Variants in RAB28 observed in about 807,000 individuals in gnomAD.
RAB28 encodes the protein RAB28, member RAS oncogene family.
In RAB28, 24 loss-of-function variants were observed where a neutral mutation model predicts 31.7. That is an observed-to-expected ratio of 0.76 (90% confidence interval 0.55 to 1.06). The LOEUF (loss-of-function observed/expected upper bound fraction) is 1.06, where lower values mean the gene tolerates loss of function less well. Ranked by LOEUF, RAB28 falls within the 50% of genes least tolerant of loss-of-function variation. The pLI, the probability that RAB28 is intolerant of heterozygous loss-of-function variation, is 0.00. For missense variants in RAB28, 254 were observed against 258.5 expected (o/e 0.98, Z 0.12); for synonymous variants, 100 against 90.4 (o/e 1.11, Z -0.60).
chr4:13,368,224 G>A lies in RAB28; in HGVS notation c.*334C>T, dbSNP rs927714102. 2.0e-6 allele frequency: 2 copies of A among 1,000,228 alleles called. No homozygotes were observed. Among genetic ancestry groups the A allele is most frequent in the East Asian group, 1.0e-4 (1 of 9,862 alleles). The allele number at this position is 1,000,228 out of a possible 1,614,324, so 62.0% of individuals were successfully genotyped here. ...AATCCTGGCTGATGATCAAGACTTGGAGAGTTTTCATATTAAGTTAAAAAA... is the reference window on the plus strand; with the variant it reads ...AATCCTGGCTGATGATCAAGACTTGAAGAGTTTTCATATTAAGTTAAAAAA... On this transcript the variant is annotated 3_prime_UTR_variant, in exon 7 of 7. Transcript: ENST00000330852.
chr4:13,379,900 C>G (rs1412063667), intron 5 of RAB28, among the ~76,000 whole-genome samples: 1 of 151,990 alleles, frequency 6.6e-6, no homozygotes, highest in African/African-American at 2.4e-5. Context: ...TTCATAAGAA[C>G]AAACCATTTC....
chr4:13,445,682 G>C (rs1420653879), intron 4 of RAB28, among the ~76,000 whole-genome samples: 1 of 151,570 alleles, frequency 6.6e-6, no homozygotes, highest in East Asian at 1.9e-4. Flanking sequence ...ATCACCAGTG[G>C]AGGCTGAAGA....
At chr4:13,475,690 C>T (rs551366608) in intron 2 of RAB28, among the ~76,000 whole-genome samples, 2 of 151,576 alleles carry the variant, frequency 1.3e-5, no homozygotes, top group African/African-American at 4.8e-5. Context: ...TTATCACCAT[C>T]ATTACCACAG....
intron 2 of RAB28, among the ~76,000 whole-genome samples, chr4:13,477,273 A>C (rs76693693): frequency 1.7e-3 from 261 of 151,712 alleles, no homozygotes; most frequent in African/African-American, 5.9e-3. Flanking sequence ...GTATTTGCAA[A>C]GTAATGATCT....
intron 4 of RAB28, among the ~76,000 whole-genome samples, chr4:13,427,589 A>G (rs1264798332): frequency 6.6e-6 from 1 of 152,216 alleles, no homozygotes; most frequent in Admixed American, 6.5e-5. Context: ...TGAGAGATCT[A>G]CAGAGATAAA....
intron 4 of RAB28, among the ~76,000 whole-genome samples, chr4:13,397,972 C>G (rs1236240385): frequency 2.0e-5 from 3 of 152,102 alleles, no homozygotes; most frequent in South Asian, 4.2e-4. Context: ...CAAAACACCA[C>G]CAAGAGCAGC....
At chr4:13,435,640 T>G (rs978282670) in intron 4 of RAB28, among the ~76,000 whole-genome samples, 7 of 152,222 alleles carry the variant, frequency 4.6e-5, no homozygotes, top group Admixed American at 2.6e-4. Context: ...TTGGATAAAT[T>G]CCTGGAAACA....
At chr4:13,469,421 C>T (rs1475635445) in intron 3 of RAB28, among the ~76,000 whole-genome samples, 1 of 151,990 alleles carries the variant, frequency 6.6e-6, no homozygotes, top group Non-Finnish European at 1.5e-5. Flanking sequence ...CTTCCCAAAT[C>T]TTTTACATGA....
chr4:13,398,176 T>G (rs1212325280), intron 4 of RAB28, among the ~76,000 whole-genome samples: 7 of 152,206 alleles, frequency 4.6e-5, no homozygotes, highest in African/African-American at 1.7e-4. Flanking sequence ...TTTGTGGCTA[T>G]CTACAACTTT....
At chr4:13,414,660 A>T (rs1036724197) in intron 4 of RAB28, among the ~76,000 whole-genome samples, 41 of 152,250 alleles carry the variant, frequency 2.7e-4, no homozygotes, top group African/African-American at 9.4e-4. Flanking sequence ...CAAACTTCAG[A>T]CCAATCTCAT....
intron 4 of RAB28, among the ~76,000 whole-genome samples, chr4:13,456,388 TA>T (rs1464179823): frequency 6.6e-6 from 1 of 152,250 alleles, no homozygotes; most frequent in African/African-American, 2.4e-5. Context: ...CCATTATGGT[TA>T]ATAAACTAAT....
At chr4:13,429,122 T>C (rs1356796258) in intron 4 of RAB28, among the ~76,000 whole-genome samples, 1 of 151,980 alleles carries the variant, frequency 6.6e-6, no homozygotes, top group Non-Finnish European at 1.5e-5. Context: ...TTTTTTTTAT[T>C]TTTAGCAAAG....
intron 5 of RAB28, among the ~76,000 whole-genome samples, chr4:13,379,046 A>T (rs1729028609): frequency 6.6e-6 from 1 of 151,372 alleles, no homozygotes; most frequent in South Asian, 2.1e-4. Context: ...TCTCTACTAA[A>T]AATACAAAAA....
At chr4:13,447,465 TAA>T (rs978188553) in intron 4 of RAB28, among the ~76,000 whole-genome samples, 2 of 151,758 alleles carry the variant, frequency 1.3e-5, no homozygotes, top group Non-Finnish European at 2.9e-5. Flanking sequence ...ATTTCTGTTA[TAA>T]AAAAAAGAGA....
chr4:13,419,976 T>C (rs1424351898), intron 4 of RAB28, among the ~76,000 whole-genome samples: 1 of 151,812 alleles, frequency 6.6e-6, no homozygotes, highest in Non-Finnish European at 1.5e-5. Flanking sequence ...GAGCTGGTTT[T>C]TTCAAAAGAT....
intron 4 of RAB28, among the ~76,000 whole-genome samples, chr4:13,402,068 T>G (rs540292595): frequency 6.6e-6 from 1 of 152,256 alleles, no homozygotes; most frequent in Non-Finnish European, 1.5e-5. Context: ...AATATGTTTT[T>G]CTGTTACTGA....
intron 3 of RAB28, among the ~76,000 whole-genome samples, chr4:13,468,883 T>C (rs1250076778): frequency 1.3e-5 from 2 of 151,766 alleles, no homozygotes; most frequent in African/African-American, 4.8e-5. Context: ...CAGTAATTAA[T>C]ATGGGTTTTC....
chr4:13,433,111 G>T (rs1459519639), intron 4 of RAB28, among the ~76,000 whole-genome samples: 1 of 150,428 alleles, frequency 6.6e-6, no homozygotes, highest in Non-Finnish European at 1.5e-5. Flanking sequence ...GTAAAGGTAT[G>T]GAGAAAGATC....
At position 13,371,973 on chromosome 4, in the gene RAB28, A is replaced by G. The variant is rs1728731594; in HGVS notation, c.574-3323T>C. Reference sequence around the variant, plus strand: ...AATGGAAGTGGCAGCCATGGAGGGCATAAGCAAGAAAGCAACCTATGGGTT... The same window carrying G: ...AATGGAAGTGGCAGCCATGGAGGGCGTAAGCAAGAAAGCAACCTATGGGTT... On this transcript the variant is annotated intron_variant, in intron 6 of 6. Coordinates refer to ENST00000330852, the MANE Select transcript of RAB28 (RefSeq NM_001017979.3). The G allele has an allele frequency of 1.3e-5, 15 of 1,120,132 alleles. 1 individual carries two copies. In the South Asian group the frequency reaches 1.9e-4, roughly 14 times the overall value. 69.4% of individuals were successfully genotyped at this position (1,120,132 alleles called of 1,614,324 possible).
Sources: gnomAD v4.1 joint callset for allele counts (sites outside exome capture counted in the v4.1 genomes callset) on GRCh38, gnomAD v4.1.1 for gene constraint, MANE v1.5 for transcripts, NCBI Gene and HGNC (gene_info 2026-07-23, HGNC 2026-07-21) for gene names.